ACACA: variants seen among roughly 807,000 people sequenced by gnomAD.
The protein encoded by ACACA is acetyl-CoA carboxylase 1.
In ACACA, 103 loss-of-function variants were observed where a neutral mutation model predicts 296.1. That is an observed-to-expected ratio of 0.35 (90% CI 0.30 to 0.41). The LOEUF is 0.41. Ranked by LOEUF, ACACA falls within the 10% of genes least tolerant of loss-of-function variation. The pLI is 1.00. For missense variants in ACACA, 1,554 were observed against 2,989.7 expected, an observed-to-expected ratio of 0.52 and a Z score of 11.20; for synonymous variants, 953 against 1,038.6, an observed-to-expected ratio of 0.92 and a Z score of 1.58.
intron 45 of ACACA, among the ~76,000 whole-genome samples, chr17:37,134,790 C>T (rs1366467788): frequency 6.6e-6 from 1 of 152,146 alleles, no homozygotes; most frequent in Non-Finnish European, 1.5e-5. Flanking sequence ...CATTTCCATT[C>T]TCAAGAGGAT....
chr17:37,232,082 T>C, intron 25 of ACACA, among the ~76,000 whole-genome samples: 1 of 152,176 alleles, frequency 6.6e-6, no homozygotes, highest in Middle Eastern at 3.2e-3. Flanking sequence ...TGAGAGTCCA[T>C]GAGGCAAGTT....
chr17:37,230,403 T>C (rs1422231725), intron 25 of ACACA, among the ~76,000 whole-genome samples: 23 of 147,536 alleles, frequency 1.6e-4, no homozygotes, highest in African/African-American at 6.0e-4. Flanking sequence ...AATAAATAAA[T>C]AAATAAATAA....
intron 15 of ACACA, 31 bp from the exon 16 acceptor site, chr17:37,252,139 T>C: frequency 3.8e-6 from 6 of 1,568,504 alleles, no homozygotes; most frequent in Non-Finnish European, 5.3e-6. Context: ...GCAGATCAAA[T>C]GCATGGTCAC....
chr17:37,286,019 G>A (rs1167505212), intron 3 of ACACA, among the ~76,000 whole-genome samples: 4 of 152,166 alleles, frequency 2.6e-5, no homozygotes, highest in East Asian at 3.9e-4. Flanking sequence ...AGCCTGCAGA[G>A]TAGCTGAGAC....
chr17:37,186,273 CAT>C (rs907401907), intron 39 of ACACA, among the ~76,000 whole-genome samples: 3 of 152,106 alleles, frequency 2.0e-5, no homozygotes, highest in African/African-American at 7.2e-5. Flanking sequence ...ATTTCTGACC[CAT>C]AGTCTGCTCC....
In ACACA at chr17:37,333,312, G is replaced by T. The variant is rs529257963; in HGVS notation, c.86-2887C>A. The stretch of plus-strand genomic sequence containing the variant: ...ATTCTAGGCTGTACAGAAACCTAAA[G>T]AGGTGGCAGTCTTACACTGCCGGTG... On this transcript the variant is annotated intron_variant, in intron 2 of 55. Coordinates refer to ENST00000616317, the MANE Select transcript of ACACA (RefSeq NM_198834.3). 3.2e-4 allele frequency among the ~76,000 whole-genome samples: 48 copies of T among 152,168 alleles called. No homozygotes were observed. In the Middle Eastern group the frequency reaches 0.01, roughly 32 times the overall value.
At chr17:37,243,905 G>A (rs569882814) in intron 21 of ACACA, among the ~76,000 whole-genome samples, 1 of 152,178 alleles carries the variant, frequency 6.6e-6, no homozygotes, top group East Asian at 1.9e-4. Context: ...ATAGATATGG[G>A]GTCTTGCTAT....
intron 29 of ACACA, among the ~76,000 whole-genome samples, chr17:37,217,756 A>C (rs12947676): frequency 0.2 from 25,481 of 130,386 alleles, 3,487 homozygotes; most frequent in Admixed American, 0.3. Context: ...AAAAAAAAAA[A>C]AAAAAAAACA....
At chr17:37,165,419 T>C (rs1428139910) in intron 41 of ACACA, among the ~76,000 whole-genome samples, 2 of 152,198 alleles carry the variant, frequency 1.3e-5, no homozygotes, top group South Asian at 2.1e-4. Context: ...TTAATTTTAC[T>C]GAGCTTCAAT....
intron 50 of ACACA, among the ~76,000 whole-genome samples, chr17:37,119,219 C>T (rs1326763619): frequency 1.3e-5 from 2 of 152,216 alleles, no homozygotes; most frequent in East Asian, 3.9e-4. Flanking sequence ...CTACCATCTT[C>T]TTTTGAATAT....
Position 37,242,528 on chromosome 17 carries a change from T to C in ACACA, c.2932-475A>G, listed in dbSNP as rs181296351. Among the ~76,000 whole-genome samples the C allele has an allele frequency of 1.4e-3, 219 of 151,856 alleles. 1 individual carries two copies. The highest frequency in any genetic ancestry group is 5.0e-3 in the African/African-American group (206 of 41,414). On this transcript the variant is annotated intron_variant, in intron 22 of 55. Coordinates refer to ENST00000616317, the MANE Select transcript of ACACA (RefSeq NM_198834.3). ...GGATAGCTTGAGCCCATGAGTTCAA[T>C]ACCAACCTGGGCAACATAACGAGAC...
At chr17:37,149,032 AT>A (rs2075931490) in intron 45 of ACACA, among the ~76,000 whole-genome samples, 1 of 152,228 alleles carries the variant, frequency 6.6e-6, no homozygotes, top group East Asian at 1.9e-4. Context: ...TGAAGAGAAA[AT>A]AATTTTCCTA....
rs376524810 is a variant in ACACA at position 37,406,332 on chromosome 17, G to A, written c.-33C>T. The stretch of plus-strand genomic sequence containing the variant: ...TCATTGCGCCTCAATTTGGGCCTCT[G>A]AAGCCCAAAGAGGGGATGGTTCTTT... On this transcript the variant is annotated 5_prime_UTR_variant, in exon 1 of 56. Transcript: ENST00000616317. 3.7e-6 allele frequency: 6 copies of A among 1,613,270 alleles called. No individual in the cohort carries two copies. The highest frequency in any genetic ancestry group is 5.1e-6 in the Non-Finnish European group (6 of 1,179,206).
rs2072125026 is a variant in ACACA, at chr17:37,085,270, G to C, written c.*2046C>G. On this transcript the variant is annotated 3_prime_UTR_variant, in exon 56 of 56. Transcript: ENST00000616317. ...CCAACTTGAAAAAATCCTTGTCCAG[G>C]GTAAGACCTACAGTAAGGAGCTCTG... is the stretch of plus-strand genomic sequence containing the variant. The C allele has an allele frequency of 4.7e-6, 1 of 211,674 alleles. No individual in the cohort carries two copies. The highest frequency in any genetic ancestry group is 2.3e-5 in the African/African-American group (1 of 43,674). 13.1% of individuals were successfully genotyped at this position (211,674 alleles called of 1,614,324 possible).
intron 1 of ACACA, among the ~76,000 whole-genome samples, chr17:37,390,334 A>ATAT (rs2050822111): frequency 1.9e-4 from 18 of 93,398 alleles, no homozygotes; most frequent in Admixed American, 4.9e-4. Flanking sequence ...ATATATATAT[A>ATAT]AAAGGCCAGC....
chr17:37,212,187 C>A (rs1046522491), intron 29 of ACACA, among the ~76,000 whole-genome samples: 4 of 152,162 alleles, frequency 2.6e-5, no homozygotes, highest in African/African-American at 9.7e-5. Flanking sequence ...CCAGTATAAT[C>A]TCTCTCAACT....
At chr17:37,133,050 A>G (rs1424950746) in intron 45 of ACACA, among the ~76,000 whole-genome samples, 1 of 152,224 alleles carries the variant, frequency 6.6e-6, no homozygotes, top group African/African-American at 2.4e-5. Context: ...TACCAAGAAC[A>G]TTATTTCTGA....
intron 10 of ACACA, among the ~76,000 whole-genome samples, chr17:37,270,105 T>G (rs1343288296): frequency 6.6e-6 from 1 of 152,164 alleles, no homozygotes; most frequent in Non-Finnish European, 1.5e-5. Context: ...AAGCAGAGGG[T>G]AAGGCAAAGA....
At chr17:37,103,246 T>C (rs1319327770) in intron 52 of ACACA, among the ~76,000 whole-genome samples, 1 of 152,196 alleles carries the variant, frequency 6.6e-6, no homozygotes, top group Non-Finnish European at 1.5e-5. Context: ...AAGTGGCGTC[T>C]ATAAAGATTT....
Sources: allele counts gnomAD v4.1 joint callset (sites outside exome capture counted in the v4.1 genomes callset), GRCh38; gene constraint gnomAD v4.1.1; transcripts MANE v1.5; gene names NCBI Gene and HGNC (gene_info 2026-07-23, HGNC 2026-07-21).